RELN: variants seen among roughly 807,000 people sequenced by gnomAD.
RELN encodes reelin.
Under a neutral mutation model 427.6 loss-of-function variants are expected in RELN, and 108 were observed. That is an observed-to-expected ratio of 0.25 (90% CI 0.22 to 0.30). The LOEUF is 0.30. Ranked by LOEUF, RELN falls within the 10% of genes least tolerant of loss-of-function variation. The pLI is 1.00. For missense variants in RELN, 3,715 were observed against 4,302.8 expected, an observed-to-expected ratio of 0.86 and a Z score of 3.82; for synonymous variants, 1,524 against 1,513.4, an observed-to-expected ratio of 1.01 and a Z score of -0.16.
intron 2 of RELN, among the ~76,000 whole-genome samples, chr7:103,862,565 T>A (rs143038316): frequency 1.3e-5 from 2 of 152,044 alleles, no homozygotes; most frequent in Non-Finnish European, 2.9e-5. Context: ...TCTTATTTTT[T>A]CCCCATTTCT....
At chr7:103,958,305 C>T (rs2116782120) in intron 1 of RELN, among the ~76,000 whole-genome samples, 1 of 152,360 alleles carries the variant, frequency 6.6e-6, no homozygotes, top group African/African-American at 2.4e-5. Flanking sequence ...AAGTTTGGCA[C>T]ATGGGTTCCT....
chr7:103,885,703 G>T (rs1584332542), intron 2 of RELN, among the ~76,000 whole-genome samples: 1 of 152,086 alleles, frequency 6.6e-6, no homozygotes, highest in Admixed American at 6.6e-5. Context: ...AAACCTGCAC[G>T]TTCTGCACAT....
chr7:103,937,752 T>C (rs951695818), intron 1 of RELN, among the ~76,000 whole-genome samples: 1 of 152,200 alleles, frequency 6.6e-6, no homozygotes, highest in Non-Finnish European at 1.5e-5. Context: ...AATTCTGACA[T>C]AGAGATTAAA....
intron 10 of RELN, among the ~76,000 whole-genome samples, chr7:103,682,934 A>AT (rs71819287): frequency 6.6e-5 from 10 of 151,824 alleles, no homozygotes; most frequent in South Asian, 4.2e-4. Flanking sequence ...TTCTAAAGAA[A>AT]TTTTTTTTTC....
chr7:103,687,868 T>C (rs1032683985), intron 10 of RELN, among the ~76,000 whole-genome samples: 2 of 152,192 alleles, frequency 1.3e-5, no homozygotes, highest in African/African-American at 4.8e-5. Context: ...TTCTGTGCTA[T>C]TGCCACTCTT....
chr7:103,760,266 T>G (rs1365675712), intron 4 of RELN, among the ~76,000 whole-genome samples: 2 of 151,940 alleles, frequency 1.3e-5, no homozygotes, highest in African/African-American at 4.8e-5. Context: ...AAAAAAAAGC[T>G]TCATTTCTTA....
intron 2 of RELN, among the ~76,000 whole-genome samples, chr7:103,853,634 A>C (rs181908988): frequency 2.6e-5 from 4 of 151,986 alleles, no homozygotes; most frequent in Non-Finnish European, 1.5e-5. Flanking sequence ...AGAACAGCAA[A>C]TAATTTTTTT....
chr7:103,636,143 CAG>C, intron 18 of RELN, 90 bp downstream of exon 18: 1 of 898,552 alleles, frequency 1.1e-6, no homozygotes, highest in South Asian at 1.4e-5. Context: ...AGATGTCTAT[CAG>C]AAAAAATATA....
At chr7:103,619,924 T>C (rs1176250103) in intron 20 of RELN, among the ~76,000 whole-genome samples, 1 of 152,130 alleles carries the variant, frequency 6.6e-6, no homozygotes, top group South Asian at 2.1e-4. Flanking sequence ...GGGCAACACT[T>C]CCCTGCCACT....
intron 58 of RELN, 71 bp from the exon 59 acceptor site, chr7:103,490,900 G>A: frequency 6.7e-7 from 1 of 1,487,870 alleles, no homozygotes; most frequent in East Asian, 2.3e-5. Flanking sequence ...TCAAGGTAAT[G>A]CTTTGTGATC....
intron 27 of RELN, among the ~76,000 whole-genome samples, chr7:103,592,311 A>G (rs963513891): frequency 2.0e-5 from 3 of 152,084 alleles, no homozygotes; most frequent in Non-Finnish European, 2.9e-5. Flanking sequence ...TTCCTTTATT[A>G]GTTTGCCTAG....
intron 5 of RELN, among the ~76,000 whole-genome samples, chr7:103,750,855 T>C (rs1254596921): frequency 6.6e-6 from 1 of 152,226 alleles, no homozygotes; most frequent in South Asian, 2.1e-4. Context: ...GTTTTAAATA[T>C]ATTATCACTA....
chr7:103,986,987 A>T (rs1797113999), intron 1 of RELN, among the ~76,000 whole-genome samples: 1 of 149,402 alleles, frequency 6.7e-6, no homozygotes, highest in Non-Finnish European at 1.5e-5. Flanking sequence ...AATTTTTTAA[A>T]TTAATTTTCA....
At chr7:103,942,891 G>A (rs1446737340) in intron 1 of RELN, among the ~76,000 whole-genome samples, 3 of 150,444 alleles carry the variant, frequency 2.0e-5, no homozygotes, top group Middle Eastern at 3.4e-3. Flanking sequence ...CAGCCTGGGC[G>A]ACAGAGCAAG....
At chr7:103,773,338 G>C (rs1380071622) in intron 4 of RELN, among the ~76,000 whole-genome samples, 2 of 13,404 alleles carry the variant, frequency 1.5e-4, no homozygotes, top group African/African-American at 4.7e-4. Context: ...TCTCTCCCTC[G>C]CTTCCTCTCT....
rs1562843813 is a variant in RELN at position 103,486,305 on chromosome 7, C to G, written c.9875G>C (p.Gly3292Ala). Residue 3292 changes from glycine to alanine, a missense_variant, in exon 61 of 65, where the codon GGA becomes GCA. By Grantham distance (60) the Gly-to-Ala change is moderately conservative. Around this residue, in one of 4 missense-constraint regions of RELN, gnomAD observed 195 missense variants for 281.3 expected, o/e 0.69. Transcript: ENST00000428762. ...NWETIQGGVI[G>A]SGCGQLAPYA... ...GGGGGCCAGCTGCCCACAGCCACTT[C>G]CTATGACTCCACCTTGAATGGTCTC... 6.2e-7 allele frequency: 1 copy of G among 1,614,186 alleles called. No individual in the cohort carries two copies. Among genetic ancestry groups the G allele is most frequent in the Admixed American group, 1.7e-5 (1 of 60,030 alleles).
chr7:103,499,491 T>C (rs1024952761), intron 53 of RELN, among the ~76,000 whole-genome samples: 2 of 152,224 alleles, frequency 1.3e-5, no homozygotes, highest in Non-Finnish European at 2.9e-5. Flanking sequence ...CAATTTGTTC[T>C]AGTTGCAATG....
intron 1 of RELN, among the ~76,000 whole-genome samples, chr7:103,942,890 C>A (rs183627248): frequency 8.0e-5 from 12 of 150,232 alleles, no homozygotes; most frequent in Admixed American, 7.3e-4. Flanking sequence ...GCAGCCTGGG[C>A]GACAGAGCAA....
At chr7:103,636,174 T>A in intron 18 of RELN, 61 bp downstream of exon 18, 1 of 1,076,922 alleles carries the variant, frequency 9.3e-7, no homozygotes, top group East Asian at 2.5e-5. Flanking sequence ...AAATGGACAG[T>A]ATAACTAAAT....
Sources: allele counts gnomAD v4.1 joint callset (sites outside exome capture counted in the v4.1 genomes callset), GRCh38; gene constraint gnomAD v4.1.1; regional missense constraint gnomAD v4.1.1; transcripts MANE v1.5; gene names NCBI Gene and HGNC (gene_info 2026-07-23, HGNC 2026-07-21).